KCNC1: variants seen among roughly 807,000 people sequenced by gnomAD.
KCNC1 encodes the protein potassium voltage-gated channel subfamily C member 1, also known as voltage-gated potassium channel KCNC1.
KCNC1 carries 8 observed loss-of-function variants against 43.4 expected under a neutral mutation model. The ratio of observed to expected loss-of-function variants is 0.18; its 90% CI spans 0.11 to 0.33. The LOEUF is 0.33. Among genes scored for constraint, KCNC1 ranks in the 10% least tolerant of loss-of-function variants. KCNC1 has a pLI of 1.00. For synonymous variants in KCNC1, 361 were observed against 360.5 expected (o/e 1.00, Z -0.01); for missense variants, 420 against 836.0 (o/e 0.50, Z 6.14).
At position 17,771,590 on chromosome 11, in the gene KCNC1, G is replaced by A; in HGVS notation, c.571-75G>A. ...TGGCATCTCCCCCCGCCTGGCCCTG[G>A]GACTGGACAGAGGCAACCCAGGCTT... On this transcript the variant is annotated intron_variant, in intron 1 of 3. Transcript: ENST00000265969. This position sits in a 1 kb window ranked among gnomAD's most constrained non-coding sequence, Gnocchi z 4.7. 1 of 1,341,576 alleles carries A rather than the reference G, an allele frequency of 7.5e-7. No individual in the cohort carries two copies. Among genetic ancestry groups the A allele is most frequent in the Non-Finnish European group, 1.0e-6 (1 of 965,022 alleles). The allele number at this position is 1,341,576 out of a possible 1,614,324, so 83.1% of individuals were successfully genotyped here.
intron 1 of KCNC1, among the ~76,000 whole-genome samples, chr11:17,761,310 C>G (rs1397399160): frequency 6.6e-6 from 1 of 152,264 alleles, no homozygotes; most frequent in Admixed American, 6.5e-5. Flanking sequence ...AACTATTGCT[C>G]TGCTCACCTT....
intron 2 of KCNC1, among the ~76,000 whole-genome samples, chr11:17,778,990 C>T (rs1466716982): frequency 2.0e-5 from 3 of 152,046 alleles, no homozygotes; most frequent in African/African-American, 4.8e-5. Flanking sequence ...TGGCTGTGGA[C>T]GGGAGGCAGC....
intron 1 of KCNC1, among the ~76,000 whole-genome samples, chr11:17,743,006 C>T (rs1565154819): frequency 1.3e-5 from 2 of 152,226 alleles, no homozygotes. Flanking sequence ...CCAGACTTGA[C>T]CCAAATCCTT....
At chr11:17,749,286 T>A (rs7110441) in intron 1 of KCNC1, among the ~76,000 whole-genome samples, 29,423 of 152,298 alleles carry the variant, frequency 0.19, 3,191 homozygotes, top group African/African-American at 0.29. Flanking sequence ...GCGCACGTGA[T>A]GCCCACGATC....
Position 17,777,047 on chromosome 11 carries a change from TC to T in KCNC1, c.1505-2406del. 1 of 985,128 alleles carries T rather than the reference TC, an allele frequency of 1.0e-6. No homozygotes were observed. The highest frequency in any genetic ancestry group is 1.2e-6 in the Non-Finnish European group (1 of 829,892). 61.0% of individuals were successfully genotyped at this position (985,128 alleles called of 1,614,324 possible). A position where few individuals can be genotyped will look rare whatever the true frequency, so the allele number is the denominator to read the frequency against. ...AGGAGGGAAAGGTGCCAGGCTATCA[TC>T]CCTCCAGGGATCCCTGATGGATGTT... On this transcript the variant is annotated intron_variant, in intron 2 of 3. Coordinates refer to ENST00000265969, the MANE Select transcript of KCNC1 (RefSeq NM_001112741.2). The surrounding 1 kb of genome is among the most constrained non-coding windows in gnomAD (Gnocchi z 4.3).
rs1405038982 is a variant in KCNC1, at chr11:17,772,832, T to C, written c.1504+234T>C. The C allele has an allele frequency of 2.8e-6, 4 of 1,404,644 alleles. No homozygotes were observed. In the East Asian group the frequency reaches 1.0e-4, roughly 36 times the overall value. The allele number at this position is 1,404,644 out of a possible 1,614,324, so 87.0% of individuals were successfully genotyped here. A position where few individuals can be genotyped will look rare whatever the true frequency, so the allele number is the denominator to read the frequency against. On this transcript the variant is annotated intron_variant, in intron 2 of 3. Coordinates refer to ENST00000265969, the MANE Select transcript of KCNC1 (RefSeq NM_001112741.2). ...CCCCTGGGTAAGGAGGTTGACGCGG[T>C]TGGTCTCGTGATGTTCTGAAGAGAC... is the stretch of plus-strand genomic sequence containing the variant.
chr11:17,767,293 AAAAAAAAG>A (rs1373621609), intron 1 of KCNC1, among the ~76,000 whole-genome samples: 2 of 150,894 alleles, frequency 1.3e-5, no homozygotes, highest in Non-Finnish European at 2.9e-5. Context: ...TCAAAAAAAA[AAAAAAAAG>A]AAAAGAAAAG....
intron 1 of KCNC1, among the ~76,000 whole-genome samples, chr11:17,752,974 T>C (rs1848985222): frequency 6.6e-6 from 1 of 152,150 alleles, no homozygotes; most frequent in African/African-American, 2.4e-5. Flanking sequence ...TCAGTAAATG[T>C]TTGATGATGG....
At chr11:17,763,578 ACACACACACAGACCCCCACACACCACCC>A (rs1849103499) in intron 1 of KCNC1, among the ~76,000 whole-genome samples, 1 of 120,986 alleles carries the variant, frequency 8.3e-6, no homozygotes. Context: ...CAATACACAC[ACACACACACAGACCCCCACACACCACCC>A]CACATGCACA....
chr11:17,775,189 G>A, intron 2 of KCNC1: 2 of 985,614 alleles, frequency 2.0e-6, no homozygotes, highest in Non-Finnish European at 2.4e-6. Flanking sequence ...CCCCAAGGCA[G>A]TCTAGTGGCC....
rs1590108943 is a variant in KCNC1 at position 17,777,392 on chromosome 11, C to G, written c.1505-2064C>G. 1 of 985,910 alleles carries G rather than the reference C, an allele frequency of 1.0e-6. No individual in the cohort carries two copies. Among genetic ancestry groups the G allele is most frequent in the Non-Finnish European group, 1.2e-6 (1 of 829,980 alleles). The allele number at this position is 985,910 out of a possible 1,614,324, so 61.1% of individuals were successfully genotyped here. A position where few individuals can be genotyped will look rare whatever the true frequency, so the allele number is the denominator to read the frequency against. On this transcript the variant is annotated intron_variant, in intron 2 of 3. Coordinates refer to ENST00000265969, the MANE Select transcript of KCNC1 (RefSeq NM_001112741.2). This position sits in a 1 kb window ranked among gnomAD's most constrained non-coding sequence, Gnocchi z 4.3. ...CTGCCTGGGAGGACCCACTGTTCTC[C>G]CCTTGAGGAAAATCCATGCAGGGTG...
intron 1 of KCNC1, among the ~76,000 whole-genome samples, chr11:17,738,007 C>T (rs553480937): frequency 1.1e-4 from 17 of 150,380 alleles, no homozygotes; most frequent in African/African-American, 3.4e-4. Flanking sequence ...TATGTCGGGG[C>T]GGGCGGGGGG....
chr11:17,757,393 G>C (rs1329545179), intron 1 of KCNC1, among the ~76,000 whole-genome samples: 3 of 152,200 alleles, frequency 2.0e-5, no homozygotes, highest in African/African-American at 7.2e-5. Flanking sequence ...AAGAGGAGCA[G>C]GTGTCTTCTG....
intron 1 of KCNC1, among the ~76,000 whole-genome samples, chr11:17,757,889 C>A (rs1849038705): frequency 6.6e-6 from 1 of 152,202 alleles, no homozygotes; most frequent in South Asian, 2.1e-4. Context: ...GTGTTGATGG[C>A]TGCCGATTGA....
At chr11:17,761,339 TG>T (rs1199865857) in intron 1 of KCNC1, among the ~76,000 whole-genome samples, 25 of 152,380 alleles carry the variant, frequency 1.6e-4, no homozygotes, top group African/African-American at 6.0e-4. Flanking sequence ...CCTCACCTCT[TG>T]GTAATTTGTG....
intron 1 of KCNC1, among the ~76,000 whole-genome samples, chr11:17,746,153 C>T (rs1289901363): frequency 3.9e-5 from 6 of 152,204 alleles, no homozygotes; most frequent in Admixed American, 2.6e-4. Flanking sequence ...TCTGGCCTCA[C>T]GTGGGAGCAC....
chr11:17,760,560 G>A (rs1165513829), intron 1 of KCNC1, among the ~76,000 whole-genome samples: 1 of 152,152 alleles, frequency 6.6e-6, no homozygotes, highest in Non-Finnish European at 1.5e-5. Flanking sequence ...GGACTGCAGG[G>A]GGCACTGTGG....
chr11:17,766,577 G>A (rs141635808), intron 1 of KCNC1, among the ~76,000 whole-genome samples: 21 of 152,242 alleles, frequency 1.4e-4, no homozygotes, highest in African/African-American at 5.1e-4. Flanking sequence ...GCTAGACAGG[G>A]GCAGTGTCCC....
intron 1 of KCNC1, among the ~76,000 whole-genome samples, chr11:17,764,481 T>A (rs1215857355): frequency 1.3e-5 from 2 of 152,122 alleles, no homozygotes; most frequent in African/African-American, 4.8e-5. Flanking sequence ...TCAGGTTATG[T>A]AGACATGACA....
Sources: gnomAD v4.1 joint callset for allele counts (sites outside exome capture counted in the v4.1 genomes callset) on GRCh38, gnomAD v4.1.1 for gene constraint, Gnocchi (gnomAD v3.1) non-coding constraint, MANE v1.5 for transcripts, NCBI Gene and HGNC (gene_info 2026-07-23, HGNC 2026-07-21) for gene names.